Variants in SORCS3 observed in about 807,000 individuals in gnomAD.
SORCS3 encodes VPS10 domain-containing receptor SorCS3.
SORCS3 carries 57 observed loss-of-function variants against 146.3 expected under a neutral mutation model. That is an observed-to-expected ratio of 0.39 (90% CI 0.31 to 0.49). The LOEUF (loss-of-function observed/expected upper bound fraction) is 0.49. Among genes scored for constraint, SORCS3 ranks in the 20% least tolerant of loss-of-function variants. The pLI, the probability that SORCS3 is intolerant of heterozygous loss-of-function variation, is 0.92. For missense variants in SORCS3, 1,341 were observed against 1,575.5 expected, an observed-to-expected ratio of 0.85 and a Z score of 2.52; for synonymous variants, 653 against 618.5, an observed-to-expected ratio of 1.06 and a Z score of -0.83.
chr10:104,802,426 C>T (rs2017634111), intron 1 of SORCS3, among the ~76,000 whole-genome samples: 1 of 152,130 alleles, frequency 6.6e-6, no homozygotes, highest in Non-Finnish European at 1.5e-5. Flanking sequence ...TGATGGATCT[C>T]TTTGGAATTT....
chr10:104,718,249 C>G (rs1018076704), intron 1 of SORCS3, among the ~76,000 whole-genome samples: 2 of 152,108 alleles, frequency 1.3e-5, no homozygotes, highest in Non-Finnish European at 2.9e-5. Context: ...GGGGCCCCTA[C>G]CTGGTGTAGG....
intron 5 of SORCS3, among the ~76,000 whole-genome samples, chr10:105,063,920 A>T (rs545120658): frequency 6.6e-6 from 1 of 152,370 alleles, no homozygotes; most frequent in East Asian, 1.9e-4. Context: ...AGCCAGTCGC[A>T]GCTCTGCGGT....
At position 105,069,607 on chromosome 10, in the gene SORCS3, G is replaced by A. The variant is rs565313859; in HGVS notation, c.1029-20168G>A. Reference sequence around the variant, plus strand: ...TTCAGACAGTGCTTGGCTCTGCCACGCTCAGCTGGAGTCAACTTCACTTTG... The same window carrying A: ...TTCAGACAGTGCTTGGCTCTGCCACACTCAGCTGGAGTCAACTTCACTTTG... On this transcript the variant is annotated intron_variant, in intron 5 of 26. Coordinates refer to ENST00000369701, the MANE Select transcript of SORCS3 (RefSeq NM_014978.3). 4.6e-5 allele frequency among the ~76,000 whole-genome samples: 7 copies of A among 152,250 alleles called. No individual in the cohort carries two copies. The East Asian group carries it at 5.8e-4, about 13-fold the overall frequency.
At chr10:104,991,174 C>A (rs149312692) in intron 4 of SORCS3, among the ~76,000 whole-genome samples, 5 of 151,668 alleles carry the variant, frequency 3.3e-5, no homozygotes, top group African/African-American at 1.2e-4. Context: ...TTTCTCCTTG[C>A]GGGTGGAAAA....
intron 2 of SORCS3, among the ~76,000 whole-genome samples, chr10:104,904,158 C>T (rs1446798278): frequency 6.6e-6 from 1 of 152,164 alleles, no homozygotes; most frequent in Non-Finnish European, 1.5e-5. Context: ...GAACCAACCA[C>T]TGTTAAAGAC....
At chr10:104,678,591 T>C (rs969567501) in intron 1 of SORCS3, among the ~76,000 whole-genome samples, 3 of 152,224 alleles carry the variant, frequency 2.0e-5, no homozygotes, top group African/African-American at 7.2e-5. Flanking sequence ...CCTAACCTAA[T>C]AGGGCATGTG....
intron 10 of SORCS3, 132 bp downstream of exon 10, chr10:105,157,416 A>G: frequency 9.4e-7 from 1 of 1,062,766 alleles, no homozygotes; most frequent in Non-Finnish European, 1.3e-6. Context: ...TAAAACTTGC[A>G]GGGCATTGGT....
At chr10:105,149,277 C>T (rs1313939389) in intron 9 of SORCS3, among the ~76,000 whole-genome samples, 1 of 152,066 alleles carries the variant, frequency 6.6e-6, no homozygotes, top group Non-Finnish European at 1.5e-5. Flanking sequence ...AGGCATGGGG[C>T]AAATGAATGT....
intron 4 of SORCS3, among the ~76,000 whole-genome samples, chr10:105,041,215 G>T (rs115005757): frequency 4.0e-5 from 6 of 148,682 alleles, no homozygotes; most frequent in Non-Finnish European, 8.9e-5. Context: ...CACTCAACCA[G>T]CAGAATCTCT....
chr10:104,921,554 C>G (rs551167438), intron 3 of SORCS3, among the ~76,000 whole-genome samples: 1 of 150,942 alleles, frequency 6.6e-6, no homozygotes, highest in Admixed American at 6.6e-5. Flanking sequence ...ACTATAAGGT[C>G]TGACATCAGT....
chr10:105,098,607 TAATC>T (rs1429489479), intron 6 of SORCS3, among the ~76,000 whole-genome samples: 1 of 152,200 alleles, frequency 6.6e-6, no homozygotes, highest in East Asian at 1.9e-4. Flanking sequence ...GCAAATTACT[TAATC>T]ATCCTGTGCC....
At chr10:104,932,341 C>T (rs558636950) in intron 3 of SORCS3, among the ~76,000 whole-genome samples, 144 of 152,312 alleles carry the variant, frequency 9.5e-4, no homozygotes, top group Non-Finnish European at 1.5e-3. Flanking sequence ...TGAATGTATG[C>T]ATGCTGAGTG....
chr10:104,784,953 G>A (rs914092718), intron 1 of SORCS3, among the ~76,000 whole-genome samples: 1 of 152,164 alleles, frequency 6.6e-6, no homozygotes, highest in Admixed American at 6.5e-5. Context: ...TTCTCAATGA[G>A]CTGTTGGGCA....
intron 4 of SORCS3, among the ~76,000 whole-genome samples, chr10:104,983,480 C>T (rs1195017788): frequency 6.6e-6 from 1 of 152,114 alleles, no homozygotes; most frequent in African/African-American, 2.4e-5. Context: ...CAGTACCTTT[C>T]CCAAAGCAAT....
At chr10:104,685,094 A>G (rs2016029204) in intron 1 of SORCS3, among the ~76,000 whole-genome samples, 1 of 152,136 alleles carries the variant, frequency 6.6e-6, no homozygotes, top group Non-Finnish European at 1.5e-5. Context: ...CTGGGATTAT[A>G]GGTGTGTACC....
intron 8 of SORCS3, among the ~76,000 whole-genome samples, chr10:105,140,136 A>G (rs1277757715): frequency 6.6e-6 from 1 of 152,146 alleles, no homozygotes. Context: ...GCATCACTTA[A>G]TGAGGCTACA....
At chr10:104,869,343 T>C (rs922389671) in intron 2 of SORCS3, among the ~76,000 whole-genome samples, 2 of 152,140 alleles carry the variant, frequency 1.3e-5, no homozygotes, top group African/African-American at 4.8e-5. Flanking sequence ...AGACTAATGT[T>C]GAAGATCAAA....
At chr10:104,846,424 C>T (rs1027300005) in intron 2 of SORCS3, among the ~76,000 whole-genome samples, 4 of 152,168 alleles carry the variant, frequency 2.6e-5, no homozygotes, top group Non-Finnish European at 4.4e-5. Flanking sequence ...CTTCATGATT[C>T]GGCCTAACAT....
chr10:105,247,615 G>A (rs2056874911), intron 22 of SORCS3, among the ~76,000 whole-genome samples: 2 of 152,080 alleles, frequency 1.3e-5, no homozygotes, highest in Non-Finnish European at 2.9e-5. Context: ...GCATGTGGTG[G>A]CGCACACCTG....
Sources: gnomAD v4.1 joint callset for allele counts (sites outside exome capture counted in the v4.1 genomes callset) on GRCh38, gnomAD v4.1.1 for gene constraint, MANE v1.5 for transcripts, NCBI Gene and HGNC (gene_info 2026-07-23, HGNC 2026-07-21) for gene names.